Variants in CRBN observed in about 807,000 individuals in gnomAD.
CRBN encodes cereblon.
CRBN carries 53 observed loss-of-function variants against 62.2 expected under a neutral mutation model. The ratio of observed to expected loss-of-function variants is 0.85; its 90% CI spans 0.68 to 1.07. The LOEUF (loss-of-function observed/expected upper bound fraction) is 1.07. Ranked by LOEUF, CRBN falls within the 50% of genes least tolerant of loss-of-function variation. CRBN has a pLI of 0.00. For synonymous variants in CRBN, 208 were observed against 176.1 expected, an observed-to-expected ratio of 1.18 and a Z score of -1.43; for missense variants, 616 against 531.1, an observed-to-expected ratio of 1.16 and a Z score of -1.57.
chr3:3,174,692 G>A (rs903311814), intron 2 of CRBN, among the ~76,000 whole-genome samples: 5 of 150,184 alleles, frequency 3.3e-5, no homozygotes, highest in African/African-American at 9.8e-5. Context: ...CTTAATAAAC[G>A]TGGTATATAA....
chr3:3,154,527 T>A lies in CRBN; in HGVS notation c.835+220A>T. On this transcript the variant is annotated intron_variant, in intron 7 of 10. Coordinates refer to ENST00000231948, the MANE Select transcript of CRBN (RefSeq NM_016302.4). ...CAATTTGAACTTTTTATGGAAAACT[T>A]GTCTAAAATTGGAGTGCTCACAGAA... 1.1e-5 allele frequency: 6 copies of A among 546,358 alleles called. No individual in the cohort carries two copies. The South Asian group carries it at 1.3e-4, about 12-fold the overall frequency. The allele number at this position is 546,358 out of a possible 1,614,324, so 33.8% of individuals were successfully genotyped here.
At chr3:3,178,726 T>C (rs991012085) in intron 1 of CRBN, among the ~76,000 whole-genome samples, 1 of 152,168 alleles carries the variant, frequency 6.6e-6, no homozygotes, top group African/African-American at 2.4e-5. Context: ...TAAACCTCAA[T>C]TATCAGATTG....
At chr3:3,173,767 G>A in intron 3 of CRBN, 1 of 423,848 alleles carries the variant, frequency 2.4e-6, no homozygotes. Context: ...GACAGTTATT[G>A]AAACTAAGAT....
At chr3:3,151,891 T>TATCA (rs1438823782) in intron 10 of CRBN, among the ~76,000 whole-genome samples, 2 of 152,220 alleles carry the variant, frequency 1.3e-5, no homozygotes, top group Non-Finnish European at 2.9e-5. Context: ...CTTCTTAGTC[T>TATCA]ATCATTGCTT....
Position 3,150,792 on chromosome 3 carries a change from G to T in CRBN, c.*73C>A. On this transcript the variant is annotated 3_prime_UTR_variant, in exon 11 of 11. Coordinates refer to ENST00000231948, the MANE Select transcript of CRBN (RefSeq NM_016302.4). ...GTTATGTTTACTTAGGTATGTATCA[G>T]AGGCAATAATTTCCAAAGCAGATCT... The T allele has an allele frequency of 7.0e-7, 1 of 1,418,678 alleles. No individual in the cohort carries two copies. Among genetic ancestry groups the T allele is most frequent in the South Asian group, 1.2e-5 (1 of 82,244 alleles). 87.9% of individuals were successfully genotyped at this position (1,418,678 alleles called of 1,614,324 possible).
chr3:3,153,064 C>T (rs536356403), intron 9 of CRBN: 1 of 303,312 alleles, frequency 3.3e-6, no homozygotes, highest in African/African-American at 2.2e-5. Context: ...GAAGCATGTC[C>T]TACTTTGGCC....
At chr3:3,172,103 C>T (rs1707642174) in intron 4 of CRBN, 2 of 152,360 alleles carry the variant, frequency 1.3e-5, no homozygotes, top group Middle Eastern at 3.4e-3. Flanking sequence ...AAAACCCAGC[C>T]ATGACAGCTT....
intron 5 of CRBN, among the ~76,000 whole-genome samples, chr3:3,157,494 CAA>C (rs1039712328): frequency 6.6e-6 from 1 of 152,092 alleles, no homozygotes; most frequent in African/African-American, 2.4e-5. Context: ...TTTAACAAAA[CAA>C]GAGGAAGACC....
At chr3:3,163,322 C>T (rs1398053793) in intron 5 of CRBN, among the ~76,000 whole-genome samples, 1 of 152,202 alleles carries the variant, frequency 6.6e-6, no homozygotes, top group African/African-American at 2.4e-5. Context: ...CCCTTGGCAA[C>T]TCTGAATATG....
chr3:3,152,150 A>AATT (rs200409719), intron 10 of CRBN, among the ~76,000 whole-genome samples: 7 of 147,096 alleles, frequency 4.8e-5, no homozygotes, highest in Admixed American at 2.0e-4. Context: ...ATTTAAATAA[A>AATT]TTTTTTTTTT....
At chr3:3,179,548 G>C in intron 1 of CRBN, 73 bp downstream of exon 1, 2 of 1,480,412 alleles carry the variant, frequency 1.4e-6, no homozygotes, top group East Asian at 4.6e-5. Flanking sequence ...CCGCCTCCCA[G>C]GCCCAGCTGC....
Position 3,172,462 on chromosome 3 carries a change from G to C in CRBN, c.527+314C>G. On this transcript the variant is annotated intron_variant, in intron 4 of 10. Transcript: ENST00000231948. ...AAATCCCAAACAACACTTCCCTTTG[G>C]ATTTACATGATTGTTCTCAAACCTG... The C allele has an allele frequency of 8.5e-6, 3 of 354,342 alleles. No individual in the cohort carries two copies. In the South Asian group the frequency reaches 8.7e-5, roughly 10 times the overall value. The allele number at this position is 354,342 out of a possible 1,614,324, so 21.9% of individuals were successfully genotyped here.
chr3:3,154,305 A>G, intron 7 of CRBN: 1 of 532,258 alleles, frequency 1.9e-6, no homozygotes, highest in East Asian at 3.4e-5. Flanking sequence ...TATGTTAAAC[A>G]TGAACTCAAA....
rs771214153 is a variant in CRBN, at chr3:3,167,299, A to G, written c.687+335T>C. On this transcript the variant is annotated intron_variant, in intron 5 of 10. Transcript: ENST00000231948. The stretch of plus-strand genomic sequence containing the variant: ...ACCCCAAAAGAATCCTCCCTTCTTT[A>G]AGATAATGGATGTTTATAACTCAAG... 142 of 213,112 alleles carry G rather than the reference A, an allele frequency of 6.7e-4. 1 individual carries two copies. Among genetic ancestry groups the G allele is most frequent in the Non-Finnish European group, 2.3e-4 (24 of 105,468 alleles). The allele number at this position is 213,112 out of a possible 1,614,324, so 13.2% of individuals were successfully genotyped here. A position where few individuals can be genotyped will look rare whatever the true frequency, so the allele number is the denominator to read the frequency against.
chr3:3,174,533 C>T (rs910022853), intron 2 of CRBN, among the ~76,000 whole-genome samples: 1 of 151,818 alleles, frequency 6.6e-6, no homozygotes, highest in South Asian at 2.1e-4. Context: ...CCCAGCTAAT[C>T]GGGAGGCTGA....
intron 1 of CRBN, among the ~76,000 whole-genome samples, chr3:3,176,996 T>C (rs1359911623): frequency 1.3e-5 from 2 of 152,200 alleles, no homozygotes; most frequent in Non-Finnish European, 2.9e-5. Flanking sequence ...ACAGGTGATT[T>C]TGCCCCTCAG....
At chr3:3,163,524 A>G (rs1379945845) in intron 5 of CRBN, among the ~76,000 whole-genome samples, 1 of 152,254 alleles carries the variant, frequency 6.6e-6, no homozygotes, top group Non-Finnish European at 1.5e-5. Flanking sequence ...GAAGAATTTA[A>G]GTAGTAACTC....
downstream of CRBN, chr3:3,149,740 C>CATAA (rs1168823971): frequency 6.6e-6 from 1 of 152,154 alleles, no homozygotes; most frequent in African/African-American, 2.4e-5. Flanking sequence ...ACTCTATTTA[C>CATAA]ATAAATATGC....
intron 5 of CRBN, among the ~76,000 whole-genome samples, chr3:3,165,823 C>G (rs748465559): frequency 1.3e-5 from 2 of 152,140 alleles, no homozygotes; most frequent in Non-Finnish European, 2.9e-5. Context: ...CGTGAATATT[C>G]AGATGACACA....
Sources: gnomAD v4.1 joint callset for allele counts (sites outside exome capture counted in the v4.1 genomes callset) on GRCh38, gnomAD v4.1.1 for gene constraint, MANE v1.5 for transcripts, NCBI Gene and HGNC (gene_info 2026-07-23, HGNC 2026-07-21) for gene names.